Variants in SPTBN5 observed in about 807,000 individuals in gnomAD.
The protein encoded by SPTBN5 is spectrin beta chain, non-erythrocytic 5.
In SPTBN5, 513 loss-of-function variants were observed where a neutral mutation model predicts 477.6. That is an observed-to-expected ratio of 1.07 (90% CI 1.00 to 1.16). SPTBN5 has a LOEUF of 1.16. Among genes scored for constraint, SPTBN5 ranks in the 50% most tolerant of loss-of-function variants. SPTBN5 has a pLI of 0.00. For synonymous variants in SPTBN5, 2,169 were observed against 2,011.7 expected (o/e 1.08, Z -2.09); for missense variants, 5,062 against 4,731.8 (o/e 1.07, Z -2.05).
chr15:41,851,167 G>C lies in SPTBN5; in HGVS notation c.10744-17C>G, dbSNP rs756183310. The C allele has an allele frequency of 1.1e-5, 18 of 1,610,216 alleles. No homozygotes were observed. In the African/African-American group the frequency reaches 1.9e-4, roughly 17 times the overall value. ...AGCTACTTTCTGAGGAGAGATGAGAGGCAGGGGTCACTGCGGCCATCTCAG... is the reference window on the plus strand; with the variant it reads ...AGCTACTTTCTGAGGAGAGATGAGACGCAGGGGTCACTGCGGCCATCTCAG... On this transcript the variant is annotated splice_polypyrimidine_tract_variant and intron_variant, in intron 64 of 67. Transcript: ENST00000320955.
chr15:41,851,283 CTCCGCTGCCA>C lies in SPTBN5; in HGVS notation c.10733_10742del (p.Met3578ArgfsTer3). On this transcript the variant is annotated frameshift_variant and splice_region_variant, in exon 64 of 68. Coordinates refer to ENST00000320955, the MANE Select transcript of SPTBN5 (RefSeq NM_016642.4). LOFTEE classifies it high-confidence loss of function. ...GCATCTCCCCTACCCCGCCTGGTAC[CTCCGCTGCCA>C]TCCTCTCATCCAGGAACAGGCTCAG... 6.4e-7 allele frequency: 1 copy of C among 1,551,308 alleles called. No individual in the cohort carries two copies. Among genetic ancestry groups the C allele is most frequent in the African/African-American group, 1.4e-5 (1 of 73,162 alleles).
chr15:41,856,986 CG>C lies in SPTBN5; in HGVS notation c.8674del (p.Arg2892GlyfsTer5). On this transcript the variant is annotated frameshift_variant, in exon 52 of 68. Transcript: ENST00000320955. LOFTEE classifies it high-confidence loss of function. Reference sequence around the variant, plus strand: ...CCTGAAGAACTTCAAGAGGAGGCTCCGGGCCTCCAGGGCCGTCCTGCGCTCC... The same window carrying C: ...CCTGAAGAACTTCAAGAGGAGGCTCCGGCCTCCAGGGCCGTCCTGCGCTCC... ...LQERRTALEA[R>X]SLLLKFFRDA... 2 of 1,602,926 alleles carry C rather than the reference CG, an allele frequency of 1.2e-6. No homozygotes were observed. The highest frequency in any genetic ancestry group is 1.7e-6 in the Non-Finnish European group (2 of 1,175,584).
In SPTBN5 at chr15:41,862,858, C is replaced by A. The variant is rs370143331; in HGVS notation, c.7195G>T (p.Val2399Leu). ...TCGTGTTTCCGCAGCAGCCTCTGCACGCTCTCCAGATCTTTCCCACAGTCC... is the reference window on the plus strand; with the variant it reads ...TCGTGTTTCCGCAGCAGCCTCTGCAAGCTCTCCAGATCTTTCCCACAGTCC... ...ALDCGKDLES[V>L]QRLLRKHEEL... Residue 2399 changes from valine (V) to leucine (L), a missense_variant, in exon 42 of 68, where the codon GTG becomes TTG. Transcript: ENST00000320955. 3 of 1,590,542 alleles carry A rather than the reference C, an allele frequency of 1.9e-6. No individual in the cohort carries two copies. In the African/African-American group the frequency reaches 4.0e-5, roughly 21 times the overall value.
chr15:41,889,443 G>A (rs1392723119), intron 4 of SPTBN5, among the ~76,000 whole-genome samples: 1 of 151,554 alleles, frequency 6.6e-6, no homozygotes, highest in Non-Finnish European at 1.5e-5. Context: ...TTTGAGACAC[G>A]GTCTCACTCT....
intron 63 of SPTBN5, 142 bp from the exon 64 acceptor site, chr15:41,851,511 C>A (rs2065760223): frequency 7.8e-6 from 4 of 515,160 alleles, no homozygotes; most frequent in African/African-American, 4.2e-5. Context: ...AGGGAAGCCA[C>A]AGAGGGGCTC....
chr15:41,858,939 C>T lies in SPTBN5; in HGVS notation c.8030G>A (p.Arg2677His), dbSNP rs570301480. The T allele has an allele frequency of 3.1e-5, 49 of 1,594,364 alleles. 1 individual carries two copies. In the African/African-American group the frequency reaches 3.2e-4, roughly 10 times the overall value. The part of the protein sequence containing the change: ...LFRQAGTRRH[R>H]LEELRQLQAF... Reference sequence around the variant, plus strand: ...CTGCAGCTGCCGGAGCTCCTCCAGGCGATGGCGGCGGGTCCCGGCTTGCCT... The same window carrying T: ...CTGCAGCTGCCGGAGCTCCTCCAGGTGATGGCGGCGGGTCCCGGCTTGCCT... Residue 2677 changes from arginine (R) to histidine (H), a missense_variant, in exon 48 of 68, where the codon CGC (arginine) becomes CAC (histidine). By Grantham distance (29) the Arg-to-His change is conservative. Coordinates refer to ENST00000320955, the MANE Select transcript of SPTBN5 (RefSeq NM_016642.4).
At position 41,887,330 on chromosome 15, in the gene SPTBN5, G is replaced by A. The variant is rs551267634; in HGVS notation, c.771C>T (p.Pro257=). The A allele has an allele frequency of 5.0e-5, 77 of 1,551,726 alleles. No individual in the cohort carries two copies. Among genetic ancestry groups the A allele is most frequent in the Admixed American group, 1.6e-4 (8 of 51,026 alleles). ...CTGGCTGTGCGGCTGCCACGTCCTCGGGGTCCAGCAGCTGAGCAATGCCCA... is the reference window on the plus strand; with the variant it reads ...CTGGCTGTGCGGCTGCCACGTCCTCAGGGTCCAGCAGCTGAGCAATGCCCA... The part of the protein sequence containing the change: ...QELGIAQLLD[P]EDVAAAQPDE... Residue 257 remains proline (P), a synonymous_variant, in exon 6 of 68, where the codon CCC becomes CCT. Coordinates refer to ENST00000320955, the MANE Select transcript of SPTBN5 (RefSeq NM_016642.4).
At chr15:41,873,427 C>T in intron 26 of SPTBN5, 65 bp downstream of exon 26, 2 of 1,231,208 alleles carry the variant, frequency 1.6e-6, no homozygotes, top group Non-Finnish European at 2.3e-6. Context: ...GGGAGGGTGA[C>T]AGCCCTCTCC....
At chr15:41,864,965 C>T (rs1188140547) in intron 39 of SPTBN5, among the ~76,000 whole-genome samples, 5 of 152,358 alleles carry the variant, frequency 3.3e-5, no homozygotes, top group Non-Finnish European at 4.4e-5. Context: ...GGCTCCTTTG[C>T]GGCAGAGCCA....
chr15:41,855,564 C>T lies in SPTBN5; in HGVS notation c.9203G>A (p.Arg3068Lys). The change falls in exon 54 of 68, where the codon AGG becomes AAG. Residue 3068 changes from arginine to lysine, a missense_variant. Transcript: ENST00000320955. ...LQQTAALLESRKNPESPKVLA... is the reference protein window; with the variant it reads ...LQQTAALLESKKNPESPKVLA... ...TTCCGCCCACCTTTCTGGGTTCTTC[C>T]TGCTCTCCAGGAGTGCTGCTGTCTG... is the stretch of plus-strand genomic sequence containing the variant. 1.2e-6 allele frequency: 2 copies of T among 1,610,430 alleles called. No individual in the cohort carries two copies. The highest frequency in any genetic ancestry group is 1.7e-6 in the Non-Finnish European group (2 of 1,178,358).
intron 62 of SPTBN5, 156 bp downstream of exon 62, chr15:41,852,026 A>T: frequency 1.0e-6 from 1 of 983,518 alleles, no homozygotes; most frequent in Non-Finnish European, 1.5e-6. Flanking sequence ...GTATGGCTGT[A>T]GACAGCCATC....
At chr15:41,878,748 C>A in intron 16 of SPTBN5, 119 bp from the exon 17 acceptor site, 2 of 1,165,188 alleles carry the variant, frequency 1.7e-6, no homozygotes, top group East Asian at 5.2e-5. Flanking sequence ...TCAATGCCCA[C>A]CCCACCCTTG....
At chr15:41,889,957 G>A (rs1016798822) in intron 4 of SPTBN5, 132 bp downstream of exon 4, 7 of 631,450 alleles carry the variant, frequency 1.1e-5, no homozygotes, top group Non-Finnish European at 2.0e-5. Flanking sequence ...AGTGAATATG[G>A]ACTTTGCAGT....
At chr15:41,863,622 C>T (rs907045382) in intron 41 of SPTBN5, 82 bp downstream of exon 41, 19 of 1,101,358 alleles carry the variant, frequency 1.7e-5, no homozygotes, top group Admixed American at 5.4e-5. Context: ...AGGGGGGAGA[C>T]GCATGGGAGA....
At chr15:41,862,075 G>A (rs904378998) in intron 44 of SPTBN5, 55 bp downstream of exon 44, 7 of 1,393,428 alleles carry the variant, frequency 5.0e-6, no homozygotes, top group African/African-American at 2.9e-5. Context: ...AGAGGAAGGG[G>A]AGGGCAGGGC....
chr15:41,850,819 G>A lies in SPTBN5; in HGVS notation c.10921+35C>T, dbSNP rs368127749. Reference sequence around the variant, plus strand: ...CCAGGAGCTTGGGGCCCAGGGAGTCGGCCGCCCTCCCCGCATCCTTCCCCT... The same window carrying A: ...CCAGGAGCTTGGGGCCCAGGGAGTCAGCCGCCCTCCCCGCATCCTTCCCCT... On this transcript the variant is annotated intron_variant, in intron 66 of 67. Transcript: ENST00000320955. 1.7e-3 allele frequency: 2,584 copies of A among 1,544,568 alleles called. 4 individuals are homozygous for A. Among genetic ancestry groups the A allele is most frequent in the Admixed American group, 7.5e-3 (384 of 51,192 alleles).
intron 4 of SPTBN5, among the ~76,000 whole-genome samples, chr15:41,889,636 C>T (rs973799098): frequency 6.6e-6 from 1 of 152,038 alleles, no homozygotes; most frequent in Non-Finnish European, 1.5e-5. Flanking sequence ...AGCTGGGGAC[C>T]ATGAAAGAAA....
chr15:41,873,414 A>G (rs2066609838), intron 26 of SPTBN5, 78 bp downstream of exon 26: 2 of 1,099,918 alleles, frequency 1.8e-6, no homozygotes, highest in African/African-American at 1.6e-5. Context: ...TGCCTCTGAG[A>G]GAGGGAGGGT....
At position 41,882,713 on chromosome 15, in the gene SPTBN5, G is replaced by A. The variant is rs767732533; in HGVS notation, c.1918C>T (p.Gln640Ter). The stretch of plus-strand genomic sequence containing the variant: ...CAGTTGCGCAGGAACTCTGCCCGCT[G>A]CAGGGTCTGCTCCAGCAGGGCCCGC... ...ARRALLEQTL[Q>*]RAEFLRNCEE... Residue 640 changes from glutamine (Q) to a stop codon, truncating the protein, a stop_gained, in exon 10 of 68, where the codon CAG becomes TAG. Transcript: ENST00000320955. LOFTEE classifies it high-confidence loss of function. 16 of 1,609,946 alleles carry A rather than the reference G, an allele frequency of 9.9e-6. No homozygotes were observed. The highest frequency in any genetic ancestry group is 1.4e-5 in the Non-Finnish European group (16 of 1,178,550).
Sources: gnomAD v4.1 joint callset for allele counts (sites outside exome capture counted in the v4.1 genomes callset) on GRCh38, gnomAD v4.1.1 for gene constraint, MANE v1.5 for transcripts, NCBI Gene and HGNC (gene_info 2026-07-23, HGNC 2026-07-21) for gene names.